ELAVL2: variants seen among roughly 807,000 people sequenced by gnomAD.
ELAVL2 encodes the protein ELAV-like protein 2.
ELAVL2 carries 4 observed loss-of-function variants against 34.6 expected under a neutral mutation model. The observed-to-expected ratio is 0.12, with a 90% CI of 0.06 to 0.26. The LOEUF (loss-of-function observed/expected upper bound fraction) is 0.26. Among genes scored for constraint, ELAVL2 ranks in the 10% least tolerant of loss-of-function variants. ELAVL2 has a pLI of 1.00. For synonymous variants in ELAVL2, 193 were observed against 154.8 expected, an observed-to-expected ratio of 1.25 and a Z score of -1.83; for missense variants, 432 against 442.8, an observed-to-expected ratio of 0.98 and a Z score of 0.22.
rs994263693 is a variant in ELAVL2 at position 23,692,336 on chromosome 9, C to T, written c.*221G>A. 1 of 532,162 alleles carries T rather than the reference C, an allele frequency of 1.9e-6. No homozygotes were observed. Among genetic ancestry groups the T allele is most frequent in the African/African-American group, 1.9e-5 (1 of 52,872 alleles). 33.0% of individuals were successfully genotyped at this position (532,162 alleles called of 1,614,324 possible). A position where few individuals can be genotyped will look rare whatever the true frequency, so the allele number is the denominator to read the frequency against. Reference sequence around the variant, plus strand: ...TAGAATGCAATGTGACAGGTAAAAACCCTGTACCTCTTGTCCATATTCAAA... The same window carrying T: ...TAGAATGCAATGTGACAGGTAAAAATCCTGTACCTCTTGTCCATATTCAAA... On this transcript the variant is annotated 3_prime_UTR_variant, in exon 7 of 7. Transcript: ENST00000397312.
chr9:23,694,747 A>G (rs1332666644), intron 5 of ELAVL2, among the ~76,000 whole-genome samples: 1 of 152,228 alleles, frequency 6.6e-6, no homozygotes, highest in Admixed American at 6.5e-5. Context: ...CCCTGCCCTC[A>G]GTCTCCACTG....
At chr9:23,705,198 G>A in intron 3 of ELAVL2, 127 bp from the exon 4 acceptor site, 1 of 1,015,368 alleles carries the variant, frequency 9.8e-7, no homozygotes, top group Non-Finnish European at 1.4e-6. Context: ...AGCAAGTCAG[G>A]TGCTAACTGC....
At chr9:23,752,795 CT>C (rs1237095798) in intron 2 of ELAVL2, among the ~76,000 whole-genome samples, 1 of 152,084 alleles carries the variant, frequency 6.6e-6, no homozygotes, top group Non-Finnish European at 1.5e-5. Flanking sequence ...TTCTGTCTTG[CT>C]TTTTTCCCCC....
intron 4 of ELAVL2, among the ~76,000 whole-genome samples, chr9:23,704,570 T>A (rs1198755276): frequency 6.6e-6 from 1 of 152,180 alleles, no homozygotes; most frequent in African/African-American, 2.4e-5. Context: ...CTTCGCTTTT[T>A]GACAAAAGAA....
rs138167737 is a variant in ELAVL2, at chr9:23,824,933, C to T, written c.-16+873G>A. 1.4e-4 allele frequency among the ~76,000 whole-genome samples: 22 copies of T among 152,266 alleles called. No individual in the cohort carries two copies. In the East Asian group the frequency reaches 3.7e-3, roughly 26 times the overall value. On this transcript the variant is annotated intron_variant, in intron 1 of 6. Coordinates refer to ENST00000397312, the MANE Select transcript of ELAVL2 (RefSeq NM_004432.5). ...TCGCGGCTGCAGAGGGGTTCCCCCTCTCCCCGAAGGCGAAGTCAGCCGCGT... is the reference window on the plus strand; with the variant it reads ...TCGCGGCTGCAGAGGGGTTCCCCCTTTCCCCGAAGGCGAAGTCAGCCGCGT...
chr9:23,722,459 T>C (rs1218392848), intron 3 of ELAVL2, among the ~76,000 whole-genome samples: 1 of 152,222 alleles, frequency 6.6e-6, no homozygotes, highest in East Asian at 1.9e-4. Flanking sequence ...CTGTCTCAAG[T>C]GCTCACTCTG....
intron 1 of ELAVL2, among the ~76,000 whole-genome samples, chr9:23,822,871 CA>C (rs140945653): frequency 0.077 from 11,710 of 152,250 alleles, 512 homozygotes; most frequent in Middle Eastern, 0.14. Flanking sequence ...AGGTTTGATG[CA>C]GCAAGGTCCG....
At chr9:23,791,789 T>G (rs144867697) in intron 1 of ELAVL2, among the ~76,000 whole-genome samples, 3 of 152,166 alleles carry the variant, frequency 2.0e-5, no homozygotes, top group African/African-American at 2.4e-5. Flanking sequence ...ACCAAAACCT[T>G]GATCTTGGTC....
intron 1 of ELAVL2, among the ~76,000 whole-genome samples, chr9:23,781,973 C>G (rs561536631): frequency 6.6e-6 from 1 of 152,096 alleles, no homozygotes; most frequent in African/African-American, 2.4e-5. Context: ...CGTGAGCCAC[C>G]GCGCCTGGCT....
At chr9:23,838,717 T>C in the ELAVL2 span, among the ~76,000 whole-genome samples, 1 of 152,146 alleles carries the variant, frequency 6.6e-6, no homozygotes, top group Non-Finnish European at 1.5e-5. Context: ...AAATCCTTTC[T>C]CAAATTGCTC....
intron 1 of ELAVL2, among the ~76,000 whole-genome samples, chr9:23,777,289 G>A (rs946026503): frequency 6.6e-6 from 1 of 152,072 alleles, no homozygotes; most frequent in Non-Finnish European, 1.5e-5. Context: ...CTCTTCTAAA[G>A]GGAACCATGA....
At chr9:23,804,173 A>T (rs1482617213) in intron 1 of ELAVL2, among the ~76,000 whole-genome samples, 9 of 148,566 alleles carry the variant, frequency 6.1e-5, no homozygotes, top group South Asian at 2.2e-4. Context: ...TTATTTATTT[A>T]TTTATTTATT....
At chr9:23,717,057 A>G (rs551687348) in intron 3 of ELAVL2, among the ~76,000 whole-genome samples, 14 of 152,378 alleles carry the variant, frequency 9.2e-5, no homozygotes, top group Non-Finnish European at 1.8e-4. Flanking sequence ...GGTGAGGAGA[A>G]CAGTCAAAAT....
the ELAVL2 span, among the ~76,000 whole-genome samples, chr9:23,839,431 A>G: frequency 6.6e-6 from 1 of 152,150 alleles, no homozygotes; most frequent in Non-Finnish European, 1.5e-5. Context: ...ATTGGGCATG[A>G]GTTAAAGCCA....
chr9:23,690,541 T>C lies in ELAVL2; in HGVS notation c.*2016A>G, dbSNP rs1050168868. 4 of 152,560 alleles carry C rather than the reference T, an allele frequency of 2.6e-5. No homozygotes were observed. The highest frequency in any genetic ancestry group is 6.6e-5 in the Admixed American group (1 of 15,258). 9.5% of individuals were successfully genotyped at this position (152,560 alleles called of 1,614,324 possible). A position where few individuals can be genotyped will look rare whatever the true frequency, so the allele number is the denominator to read the frequency against. On this transcript the variant is annotated 3_prime_UTR_variant, in exon 7 of 7. Transcript: ENST00000397312. The stretch of plus-strand genomic sequence containing the variant: ...TAAGCCAATTGATTTCTGAATAGCA[T>C]TGAGTGGGTCAGCATGAAAACTCGC...
chr9:23,693,260 C>CT (rs2033846000), intron 6 of ELAVL2, among the ~76,000 whole-genome samples, 188 bp downstream of exon 6: 1 of 152,076 alleles, frequency 6.6e-6, no homozygotes, highest in Non-Finnish European at 1.5e-5. Context: ...TTTAAAAGAC[C>CT]AGGTGGCATC....
chr9:23,771,124 G>C (rs35013427), intron 1 of ELAVL2, among the ~76,000 whole-genome samples: 10 of 152,214 alleles, frequency 6.6e-5, no homozygotes, highest in African/African-American at 1.7e-4. Flanking sequence ...GACCAGTCAA[G>C]AAGCAACTGC....
chr9:23,816,346 A>G (rs867810962), intron 1 of ELAVL2, among the ~76,000 whole-genome samples: 1,579 of 130,960 alleles, frequency 0.012, 32 homozygotes, highest in Non-Finnish European at 0.017. Flanking sequence ...AAAAAAAAAA[A>G]GGGGATAAAA....
chr9:23,806,280 A>G (rs2062208362), intron 1 of ELAVL2, among the ~76,000 whole-genome samples: 1 of 152,178 alleles, frequency 6.6e-6, no homozygotes, highest in Non-Finnish European at 1.5e-5. Context: ...TGCATGTAAC[A>G]TTTACCTTCA....
Sources: gnomAD v4.1 joint callset for allele counts (sites outside exome capture counted in the v4.1 genomes callset) on GRCh38, gnomAD v4.1.1 for gene constraint, MANE v1.5 for transcripts, NCBI Gene and HGNC (gene_info 2026-07-23, HGNC 2026-07-21) for gene names.